WWTR1: variants seen among roughly 807,000 people sequenced by gnomAD.
WWTR1 encodes the protein WW domain containing transcription regulator 1, also known as WW domain-containing transcription regulator protein 1.
A neutral mutation model predicts 40.1 loss-of-function variants in WWTR1; 13 were observed. That is an observed-to-expected ratio of 0.32 (90% CI 0.21 to 0.52). The LOEUF is 0.52. WWTR1 is among the 20% of genes least tolerant of loss of function. The pLI, the probability that WWTR1 is intolerant of heterozygous loss-of-function variation, is 0.97. For missense variants in WWTR1, 436 were observed against 523.1 expected, an observed-to-expected ratio of 0.83 and a Z score of 1.63; for synonymous variants, 230 against 210.1, an observed-to-expected ratio of 1.09 and a Z score of -0.82.
intron 2 of WWTR1, among the ~76,000 whole-genome samples, chr3:149,600,698 A>G (rs1444849765): frequency 3.3e-5 from 5 of 152,228 alleles, no homozygotes; most frequent in African/African-American, 1.2e-4. Flanking sequence ...TCCATGAGTC[A>G]TAAAATTTCC....
chr3:149,710,627 T>A (rs1344115278), intron 5 of WWTR1, among the ~76,000 whole-genome samples: 1 of 116,308 alleles, frequency 8.6e-6, no homozygotes, highest in East Asian at 2.9e-4. Context: ...TCGCCCAGGC[T>A]AGAATGCAGT....
intron 2 of WWTR1, among the ~76,000 whole-genome samples, chr3:149,653,857 C>T (rs952733516): frequency 7.2e-5 from 11 of 152,166 alleles, no homozygotes; most frequent in Non-Finnish European, 1.2e-4. Context: ...TATCATCACC[C>T]TTCCGTGGCC....
At chr3:149,670,660 A>AAAAAAAG (rs1396163127) in intron 1 of WWTR1, 14 of 148,164 alleles carry the variant, frequency 9.4e-5, no homozygotes, top group Non-Finnish European at 2.1e-4. Context: ...AAAAAAAAAG[A>AAAAAAAG]AAAGAAAAGA....
chr3:149,693,044 C>A (rs1470578592), intron 1 of WWTR1, among the ~76,000 whole-genome samples: 1 of 152,168 alleles, frequency 6.6e-6, no homozygotes, highest in African/African-American at 2.4e-5. Flanking sequence ...GTCAAATTAT[C>A]CTTGTTTGCA....
chr3:149,677,244 C>T (rs1714299278), intron 1 of WWTR1, among the ~76,000 whole-genome samples: 1 of 152,066 alleles, frequency 6.6e-6, no homozygotes, highest in East Asian at 1.9e-4. Flanking sequence ...GGGCACAGTC[C>T]CTAGGCAACT....
At chr3:149,611,985 T>C (rs953746929) in intron 2 of WWTR1, among the ~76,000 whole-genome samples, 6 of 152,192 alleles carry the variant, frequency 3.9e-5, no homozygotes, top group South Asian at 4.1e-4. Flanking sequence ...CTATTCCTAC[T>C]TGACAAATGA....
intron 1 of WWTR1, among the ~76,000 whole-genome samples, chr3:149,688,293 T>C (rs1267573796): frequency 6.6e-6 from 1 of 151,880 alleles, no homozygotes; most frequent in Non-Finnish European, 1.5e-5. Context: ...ACATAAGCAA[T>C]AGCCAGGCAA....
intron 1 of WWTR1, among the ~76,000 whole-genome samples, chr3:149,689,380 C>CAAAAAAAAAAAAAAAAAAAAAACAAAAAA (rs3044083): frequency 5.5e-5 from 2 of 36,696 alleles, no homozygotes; most frequent in Non-Finnish European, 8.9e-5. Context: ...GAACCTATCT[C>CAAAAAAAAAAAAAAAAAAAAAACAAAAAA]AAAAAAAAAA....
intron 2 of WWTR1, among the ~76,000 whole-genome samples, chr3:149,617,353 C>G (rs1740023857): frequency 6.6e-6 from 1 of 152,166 alleles, no homozygotes; most frequent in African/African-American, 2.4e-5. Context: ...TATGTAGTAG[C>G]ATGTGGATAA....
At chr3:149,541,789 A>T (rs1736112220) in intron 4 of WWTR1, among the ~76,000 whole-genome samples, 1 of 152,090 alleles carries the variant, frequency 6.6e-6, no homozygotes. Flanking sequence ...CATAGATCCC[A>T]GGCTTTTGTT....
At chr3:149,531,954 A>G (rs907581597) in intron 4 of WWTR1, among the ~76,000 whole-genome samples, 3 of 152,018 alleles carry the variant, frequency 2.0e-5, no homozygotes, top group African/African-American at 2.4e-5. Context: ...ATACAACCCA[A>G]CTAGCCAGGT....
At chr3:149,713,035 T>A (rs943357612) in intron 5 of WWTR1, among the ~76,000 whole-genome samples, 2 of 152,160 alleles carry the variant, frequency 1.3e-5, no homozygotes, top group East Asian at 3.8e-4. Context: ...CCCAAACATT[T>A]GGCTTCACAT....
intron 2 of WWTR1, among the ~76,000 whole-genome samples, chr3:149,647,217 G>A (rs1378124943): frequency 6.6e-6 from 1 of 152,068 alleles, no homozygotes; most frequent in Non-Finnish European, 1.5e-5. Flanking sequence ...GGAGGAGAGT[G>A]AAAGAAAGAC....
intron 2 of WWTR1, among the ~76,000 whole-genome samples, chr3:149,620,235 T>C (rs1202488200): frequency 6.6e-6 from 1 of 152,194 alleles, no homozygotes; most frequent in East Asian, 1.9e-4. Flanking sequence ...ACTCAGTTTC[T>C]TTATTTTTTA....
chr3:149,665,225 T>C lies in WWTR1; in HGVS notation c.-4+4563A>G, dbSNP rs974924641. Among the ~76,000 whole-genome samples, 3 of 93,686 alleles carry C rather than the reference T, an allele frequency of 3.2e-5. No individual in the cohort carries two copies. The South Asian group carries it at 9.7e-4, about 30-fold the overall frequency. The allele number at this position is 93,686 out of a possible 152,430, so 61.5% of individuals were successfully genotyped here. On this transcript the variant is annotated intron_variant, in intron 2 of 7. Coordinates refer to the WWTR1 transcript ENST00000465804. ...ACGGGAAATTAGAAATTTCCTTTCTTTCTTTTTTTTTTTTTTTTTGAGACA... is the reference window on the plus strand; with the variant it reads ...ACGGGAAATTAGAAATTTCCTTTCTCTCTTTTTTTTTTTTTTTTTGAGACA...
At chr3:149,561,364 A>T (rs538213240) in intron 3 of WWTR1, among the ~76,000 whole-genome samples, 2 of 152,340 alleles carry the variant, frequency 1.3e-5, no homozygotes, top group Non-Finnish European at 2.9e-5. Context: ...GTTTGTAGCT[A>T]TCAGAATAGT....
chr3:149,678,101 A>AT (rs1381942996), intron 1 of WWTR1, among the ~76,000 whole-genome samples: 1 of 152,156 alleles, frequency 6.6e-6, no homozygotes, highest in Non-Finnish European at 1.5e-5. Flanking sequence ...TTGATGTTAT[A>AT]TTCAACCTAA....
chr3:149,624,409 T>C (rs931326773), intron 2 of WWTR1, among the ~76,000 whole-genome samples: 2 of 152,316 alleles, frequency 1.3e-5, no homozygotes, highest in African/African-American at 4.8e-5. Context: ...ATGCACCAGC[T>C]AGTGTGAGCT....
chr3:149,534,752 C>G (rs1735745110), intron 4 of WWTR1, among the ~76,000 whole-genome samples: 1 of 152,164 alleles, frequency 6.6e-6, no homozygotes, highest in African/African-American at 2.4e-5. Flanking sequence ...AATAAGGGCT[C>G]AAGAATCTCT....
Sources: gnomAD v4.1 joint callset for allele counts (sites outside exome capture counted in the v4.1 genomes callset) on GRCh38, gnomAD v4.1.1 for gene constraint, MANE v1.5 for transcripts, NCBI Gene and HGNC (gene_info 2026-07-23, HGNC 2026-07-21) for gene names.